DLGAP2: variants seen among roughly 807,000 people sequenced by gnomAD.
The protein encoded by DLGAP2 is disks large-associated protein 2.
DLGAP2 carries 26 observed loss-of-function variants against 100.3 expected under a neutral mutation model. That is an observed-to-expected ratio of 0.26 (90% CI 0.19 to 0.36). The LOEUF is 0.36. Among genes scored for constraint, DLGAP2 ranks in the 10% least tolerant of loss-of-function variants. The probability of loss-of-function intolerance (pLI) is 1.00; values close to 1 mark genes in which losing one functional copy is unlikely to be tolerated. For missense variants in DLGAP2, 1,858 were observed against 1,453.2 expected (o/e 1.28, Z -4.53); for synonymous variants, 886 against 630.1 (o/e 1.41, Z -6.08).
intron 1 of DLGAP2, among the ~76,000 whole-genome samples, chr8:815,657 A>T (rs181369834): frequency 7.3e-4 from 111 of 152,360 alleles, no homozygotes; most frequent in African/African-American, 2.5e-3. Flanking sequence ...ATGCCTTAAC[A>T]ATAATACTAG....
intron 3 of DLGAP2, chr8:1,369,167 C>A (rs1286929765): frequency 6.6e-6 from 1 of 152,164 alleles, no homozygotes; most frequent in African/African-American, 2.4e-5. Context: ...TTGATCAAAG[C>A]TTTCAAGGCT....
chr8:859,688 G>T (rs937646903), intron 1 of DLGAP2, among the ~76,000 whole-genome samples: 5 of 152,122 alleles, frequency 3.3e-5, no homozygotes, highest in African/African-American at 1.2e-4. Context: ...GGTCAACAAA[G>T]CAGAACGAGA....
At chr8:1,069,250 G>T (rs755744230) in intron 2 of DLGAP2, among the ~76,000 whole-genome samples, 1 of 152,192 alleles carries the variant, frequency 6.6e-6, no homozygotes, top group South Asian at 2.1e-4. Context: ...AGGGAAGTGG[G>T]AGAGGTGGTG....
At chr8:1,069,318 G>A (rs1175283555) in intron 2 of DLGAP2, among the ~76,000 whole-genome samples, 6 of 152,206 alleles carry the variant, frequency 3.9e-5, no homozygotes, top group East Asian at 3.9e-4. Flanking sequence ...CGAGGAGGCC[G>A]GGTCGGACAG....
At chr8:1,357,792 T>C (rs1202703165) in intron 3 of DLGAP2, among the ~76,000 whole-genome samples, 3 of 152,186 alleles carry the variant, frequency 2.0e-5, no homozygotes, top group Non-Finnish European at 4.4e-5. Flanking sequence ...TGCCATGCAG[T>C]GCTCTTCAGA....
intron 1 of DLGAP2, among the ~76,000 whole-genome samples, chr8:894,933 T>C: frequency 9.4e-6 from 1 of 106,928 alleles, no homozygotes; most frequent in Admixed American, 1.1e-4. Flanking sequence ...GAGTGGCGGT[T>C]GGCAGGGGCG....
chr8:970,107 G>C (rs2134498), intron 2 of DLGAP2, among the ~76,000 whole-genome samples: 3,383 of 152,042 alleles, frequency 0.022, 120 homozygotes, highest in African/African-American at 0.076. Context: ...TTAACCTAAA[G>C]AAAAATGTCC....
chr8:891,019 T>C (rs1798023427), intron 1 of DLGAP2, among the ~76,000 whole-genome samples: 1 of 152,036 alleles, frequency 6.6e-6, no homozygotes, highest in African/African-American at 2.4e-5. Flanking sequence ...GTGTCCCTGA[T>C]TCCCTCCCCT....
At chr8:1,168,363 G>A in intron 2 of DLGAP2, among the ~76,000 whole-genome samples, 1 of 151,948 alleles carries the variant, frequency 6.6e-6, no homozygotes, top group East Asian at 1.9e-4. Flanking sequence ...TGTCTTTATA[G>A]CAGCATGATT....
chr8:886,703 A>G (rs1353956164), intron 1 of DLGAP2, among the ~76,000 whole-genome samples: 5 of 152,226 alleles, frequency 3.3e-5, no homozygotes, highest in African/African-American at 1.2e-4. Context: ...CTTAATCCCA[A>G]GTTCTAATTT....
intron 3 of DLGAP2, among the ~76,000 whole-genome samples, chr8:1,427,945 A>C (rs1797282905): frequency 6.6e-6 from 1 of 152,210 alleles, no homozygotes; most frequent in African/African-American, 2.4e-5. Context: ...ATTAATATAA[A>C]ATGAACTTAT....
chr8:869,703 TC>T (rs1267417707), intron 1 of DLGAP2, among the ~76,000 whole-genome samples: 1 of 152,206 alleles, frequency 6.6e-6, no homozygotes, highest in Non-Finnish European at 1.5e-5. Flanking sequence ...GTTGGAACAT[TC>T]GGGGATCAGG....
chr8:1,182,775 C>T (rs1346327356), intron 2 of DLGAP2, among the ~76,000 whole-genome samples: 2 of 152,200 alleles, frequency 1.3e-5, no homozygotes, highest in African/African-American at 2.4e-5. Flanking sequence ...GTCCAGCGCG[C>T]ATGTGAGAGG....
intron 3 of DLGAP2, among the ~76,000 whole-genome samples, chr8:1,279,748 C>A (rs1462390745): frequency 6.6e-6 from 1 of 152,176 alleles, no homozygotes; most frequent in South Asian, 2.1e-4. Flanking sequence ...GGATTCATGG[C>A]AGCTGCTTCA....
chr8:1,133,648 A>G (rs1221683698), intron 2 of DLGAP2, among the ~76,000 whole-genome samples: 1 of 152,212 alleles, frequency 6.6e-6, no homozygotes, highest in East Asian at 1.9e-4. Context: ...TTATTACAGC[A>G]TAAATTCTAG....
intron 3 of DLGAP2, among the ~76,000 whole-genome samples, chr8:1,345,223 C>G (rs1435792250): frequency 6.6e-6 from 1 of 152,264 alleles, no homozygotes; most frequent in South Asian, 2.1e-4. Flanking sequence ...GTATCCTCTG[C>G]TGAAGGTGCA....
At chr8:1,583,160 C>T (rs772662539) in intron 6 of DLGAP2, among the ~76,000 whole-genome samples, 1 of 152,230 alleles carries the variant, frequency 6.6e-6, no homozygotes, top group African/African-American at 2.4e-5. Flanking sequence ...GGGCATACCT[C>T]AGCCTCCTGA....
At chr8:1,379,136 T>C (rs2129753422) in intron 3 of DLGAP2, among the ~76,000 whole-genome samples, 1 of 152,382 alleles carries the variant, frequency 6.6e-6, no homozygotes, top group African/African-American at 2.4e-5. Context: ...CAAGGCCAGT[T>C]CTTCCCTGAG....
chr8:1,263,678 C>T (rs1417539955), intron 3 of DLGAP2, among the ~76,000 whole-genome samples: 1 of 152,020 alleles, frequency 6.6e-6, no homozygotes, highest in Non-Finnish European at 1.5e-5. Flanking sequence ...TTTAAGACCT[C>T]TTAACAATTC....
Sources: gnomAD v4.1 joint callset for allele counts (sites outside exome capture counted in the v4.1 genomes callset) on GRCh38, gnomAD v4.1.1 for gene constraint, MANE v1.5 for transcripts, NCBI Gene and HGNC (gene_info 2026-07-23, HGNC 2026-07-21) for gene names.